Variants in PMFBP1 observed in about 807,000 individuals in gnomAD.
PMFBP1 encodes the protein polyamine modulated factor 1 binding protein 1.
A neutral mutation model predicts 137.8 loss-of-function variants in PMFBP1; 131 were observed. That is an observed-to-expected ratio of 0.95 (90% CI 0.82 to 1.10). The LOEUF (loss-of-function observed/expected upper bound fraction) is 1.10. PMFBP1 is among the 50% of genes least tolerant of loss of function. The pLI, the probability that PMFBP1 is intolerant of heterozygous loss-of-function variation, is 0.00. For missense variants in PMFBP1, 1,199 were observed against 1,175.4 expected (o/e 1.02, Z -0.29); for synonymous variants, 490 against 450.4 (o/e 1.09, Z -1.11).
intron 5 of PMFBP1, among the ~76,000 whole-genome samples, chr16:72,146,866 A>G (rs2042815210): frequency 6.6e-6 from 1 of 152,228 alleles, no homozygotes; most frequent in Non-Finnish European, 1.5e-5. Flanking sequence ...TGTTAAGGAA[A>G]TAAAAGAGGA....
the PMFBP1 span, among the ~76,000 whole-genome samples, chr16:72,235,920 G>C: frequency 6.6e-6 from 1 of 152,016 alleles, no homozygotes; most frequent in Admixed American, 6.6e-5. Flanking sequence ...CTACATTCAA[G>C]ATCATGCCAT....
At chr16:72,218,220 T>C in the PMFBP1 span, among the ~76,000 whole-genome samples, 1 of 152,218 alleles carries the variant, frequency 6.6e-6, no homozygotes, top group Admixed American at 6.5e-5. Flanking sequence ...AGACACTCAA[T>C]AGATCCTTTA....
At chr16:72,135,445 G>A (rs1472922563) in intron 9 of PMFBP1, among the ~76,000 whole-genome samples, 1 of 149,834 alleles carries the variant, frequency 6.7e-6, no homozygotes, top group Non-Finnish European at 1.5e-5. Flanking sequence ...TTGAACTCCT[G>A]ACCTCAAGTG....
chr16:72,212,677 A>C, the PMFBP1 span, among the ~76,000 whole-genome samples: 12 of 152,210 alleles, frequency 7.9e-5, 1 homozygote, highest in African/African-American at 2.9e-4. Flanking sequence ...AATATACAAG[A>C]ACGATTACCA....
At chr16:72,161,826 A>AT (rs536357875) in intron 3 of PMFBP1, among the ~76,000 whole-genome samples, 12 of 152,036 alleles carry the variant, frequency 7.9e-5, no homozygotes, top group Non-Finnish European at 1.5e-4. Flanking sequence ...TCAGTGAAAT[A>AT]TTTTTTTTCA....
chr16:72,137,645 C>T (rs540206196), intron 7 of PMFBP1, among the ~76,000 whole-genome samples: 6 of 152,126 alleles, frequency 3.9e-5, no homozygotes, highest in Admixed American at 2.0e-4. Context: ...CTGGAGGAGA[C>T]GAGGTGAGGA....
At chr16:72,188,977 A>T in the PMFBP1 span, among the ~76,000 whole-genome samples, 2 of 152,214 alleles carry the variant, frequency 1.3e-5, no homozygotes, top group African/African-American at 4.8e-5. Flanking sequence ...GGAGGCACTT[A>T]TCTAAAAAGT....
chr16:72,207,879 T>C, the PMFBP1 span, among the ~76,000 whole-genome samples: 1 of 152,056 alleles, frequency 6.6e-6, no homozygotes, highest in Non-Finnish European at 1.5e-5. Flanking sequence ...GTAGTTCCAG[T>C]GAGAGTCCAA....
At chr16:72,120,307 TC>T (rs11334888) in intron 19 of PMFBP1, among the ~76,000 whole-genome samples, 13,878 of 152,250 alleles carry the variant, frequency 0.091, 796 homozygotes, top group Middle Eastern at 0.14. Context: ...GAGCTGGTAC[TC>T]CTGCCCAACT....
In PMFBP1 at chr16:72,130,717, G is replaced by A. The variant is rs1255400167; in HGVS notation, c.1453C>T (p.Gln485Ter). 1 of 1,610,050 alleles carries A rather than the reference G, an allele frequency of 6.2e-7. No individual in the cohort carries two copies. The highest frequency in any genetic ancestry group is 1.1e-5 in the South Asian group (1 of 90,748). ...AKQQERLAAQ[Q>*]AAQCKEEAAL... is the part of the protein sequence containing the mutation. ...GCCTCTTCTTTGCACTGGGCTGCTT[G>A]CTGAGCTGCAGAAGCAGGGAGATGG... The change falls in exon 11 of 21, where the codon CAA becomes TAA. Residue 485 changes from glutamine to a stop codon, truncating the protein, a stop_gained. Transcript: ENST00000237353. LOFTEE classifies it high-confidence loss of function.
the PMFBP1 span, among the ~76,000 whole-genome samples, chr16:72,232,285 CAATA>C: frequency 6.6e-6 from 1 of 152,134 alleles, no homozygotes; most frequent in African/African-American, 2.4e-5. Context: ...TTTTGCTGAA[CAATA>C]AATATCTGTC....
intron 2 of PMFBP1, among the ~76,000 whole-genome samples, chr16:72,166,972 G>C (rs1186962432): frequency 6.6e-6 from 1 of 152,250 alleles, no homozygotes; most frequent in Non-Finnish European, 1.5e-5. Context: ...CATCTGGTTA[G>C]CAGTAGGGCC....
Position 72,136,589 on chromosome 16 carries a change from C to G in PMFBP1, c.1062G>C (p.Glu354Asp). 6.2e-7 allele frequency: 1 copy of G among 1,614,114 alleles called. No homozygotes were observed. Residue 354 changes from glutamate (E) to aspartate (D), a missense_variant, in exon 9 of 21, where the codon GAG becomes GAC. Physicochemically the swap from Glu to Asp is conservative, Grantham distance 45. Coordinates refer to ENST00000237353, the MANE Select transcript of PMFBP1 (RefSeq NM_031293.3). ...RNIMKDMMKL[E>D]LDLHGLREET... ...CCTCCCGCAGTCCGTGCAGGTCCAGCTCCAGCTTCATCATGTCTACCATGG... is the reference window on the plus strand; with the variant it reads ...CCTCCCGCAGTCCGTGCAGGTCCAGGTCCAGCTTCATCATGTCTACCATGG...
chr16:72,126,096 C>T lies in PMFBP1; in HGVS notation c.2125G>A (p.Ala709Thr). Residue 709 changes from alanine (A) to threonine (T), a missense_variant, in exon 15 of 21, where the codon GCC becomes ACC. Physicochemically the swap from Ala to Thr is moderately conservative, Grantham distance 58. Transcript: ENST00000237353. ...TTCTGCAGAGCTTTGTCCAGCTGGG[C>T]CTGCAGGCTCATTAAGGACTCCTTC... Reference protein sequence around the residue: ...LQKESLMSLQAQLDKALQKEK... With the variant: ...LQKESLMSLQTQLDKALQKEK... 1.2e-6 allele frequency: 2 copies of T among 1,614,118 alleles called. No individual in the cohort carries two copies. The highest frequency in any genetic ancestry group is 2.7e-5 in the African/African-American group (2 of 75,046).
the PMFBP1 span, among the ~76,000 whole-genome samples, chr16:72,244,779 C>T: frequency 1.3e-5 from 2 of 152,166 alleles, no homozygotes; most frequent in Non-Finnish European, 2.9e-5. Context: ...AATTTTATTT[C>T]TTCCAGTGCA....
intron 3 of PMFBP1, among the ~76,000 whole-genome samples, chr16:72,161,670 A>G (rs2043064365): frequency 6.6e-6 from 1 of 152,176 alleles, no homozygotes; most frequent in Non-Finnish European, 1.5e-5. Flanking sequence ...AACTTCTTAA[A>G]TAACTGGGTA....
the PMFBP1 span, among the ~76,000 whole-genome samples, chr16:72,221,056 G>T: frequency 1.3e-5 from 2 of 152,010 alleles, no homozygotes; most frequent in Admixed American, 6.6e-5. Flanking sequence ...GAGAGCAGGG[G>T]TATGTGATTG....
At chr16:72,191,729 C>G in the PMFBP1 span, among the ~76,000 whole-genome samples, 1 of 152,112 alleles carries the variant, frequency 6.6e-6, no homozygotes, top group Non-Finnish European at 1.5e-5. Flanking sequence ...GAGTTCTCCT[C>G]TTGAGGTATG....
chr16:72,198,151 G>T, the PMFBP1 span, among the ~76,000 whole-genome samples: 1 of 152,122 alleles, frequency 6.6e-6, no homozygotes, highest in Non-Finnish European at 1.5e-5. Context: ...GAACTTGAAT[G>T]TACTGTAATA....
Sources: allele counts gnomAD v4.1 joint callset (sites outside exome capture counted in the v4.1 genomes callset), GRCh38; gene constraint gnomAD v4.1.1; transcripts MANE v1.5; gene names NCBI Gene and HGNC (gene_info 2026-07-23, HGNC 2026-07-21).